MAP2K3: variants seen among roughly 807,000 people sequenced by gnomAD.
MAP2K3 encodes the protein dual specificity mitogen-activated protein kinase kinase 3.
In MAP2K3, 30 loss-of-function variants were observed where a neutral mutation model predicts 46.4. The ratio of observed to expected loss-of-function variants is 0.65; its 90% CI spans 0.48 to 0.88. The LOEUF (loss-of-function observed/expected upper bound fraction) is 0.88, where lower values mean the gene tolerates loss of function less well. Among genes scored for constraint, MAP2K3 ranks in the 40% least tolerant of loss-of-function variants. The probability of loss-of-function intolerance (pLI) is 0.00; values close to 1 mark genes in which losing one functional copy is unlikely to be tolerated. For synonymous variants in MAP2K3, 189 were observed against 176.3 expected, an observed-to-expected ratio of 1.07 and a Z score of -0.57; for missense variants, 380 against 464.5, an observed-to-expected ratio of 0.82 and a Z score of 1.67.
intron 1 of MAP2K3, among the ~76,000 whole-genome samples, chr17:21,294,361 G>A (rs1976120506): frequency 1.3e-5 from 2 of 152,312 alleles, no homozygotes; most frequent in African/African-American, 4.8e-5. Context: ...ACCTGGTGAT[G>A]CTCCTGCATG....
At chr17:21,300,155 T>TG (rs562757923) in intron 3 of MAP2K3, among the ~76,000 whole-genome samples, 225 of 152,314 alleles carry the variant, frequency 1.5e-3, no homozygotes, top group African/African-American at 5.3e-3. Flanking sequence ...TTGTTGTCAC[T>TG]GTGTCCCCAG....
rs1976552272 is a variant in MAP2K3 at position 21,300,795 on chromosome 17, G to A, written c.280-79G>A. The stretch of plus-strand genomic sequence containing the variant: ...GGGGCACACTGGGCAGTGGCCCCCT[G>A]AGCTCCTGGCCCTCCTGTCATGAGT... On this transcript the variant is annotated intron_variant, in intron 4 of 11. Coordinates refer to ENST00000342679, the MANE Select transcript of MAP2K3 (RefSeq NM_145109.3). 9 of 1,611,760 alleles carry A rather than the reference G, an allele frequency of 5.6e-6. No individual in the cohort carries two copies. The South Asian group carries it at 7.7e-5, about 14-fold the overall frequency.
intron 9 of MAP2K3, 167 bp from the exon 10 acceptor site, chr17:21,311,975 C>T (rs1213000351): frequency 3.4e-5 from 21 of 625,356 alleles, no homozygotes; most frequent in East Asian, 6.9e-5. Flanking sequence ...CTGGCATCCC[C>T]GGCTTTCTCG....
chr17:21,296,097 A>G (rs1976231354), intron 1 of MAP2K3: 1 of 1,289,506 alleles, frequency 7.8e-7, no homozygotes, highest in Non-Finnish European at 1.0e-6. Flanking sequence ...GAGGCTGGTC[A>G]TATCCATGGT....
chr17:21,304,011 C>T (rs879844074), intron 7 of MAP2K3, among the ~76,000 whole-genome samples: 3,538 of 150,388 alleles, frequency 0.024, no homozygotes, highest in Non-Finnish European at 0.039. Flanking sequence ...TCTGTGGGGA[C>T]TCCATGTCCA....
At chr17:21,311,113 G>C (rs1977138567) in intron 9 of MAP2K3, among the ~76,000 whole-genome samples, 1 of 152,164 alleles carries the variant, frequency 6.6e-6, no homozygotes. Context: ...GAGCTGGAAA[G>C]GGCCTCTAGC....
chr17:21,302,105 GC>G (rs777607958), intron 5 of MAP2K3, 37 bp from the exon 6 acceptor site: 17 of 1,608,114 alleles, frequency 1.1e-5, no homozygotes, highest in Non-Finnish European at 1.4e-5. Context: ...GACACGGGCA[GC>G]CCGGCAGCCT....
chr17:21,295,678 G>T (rs748211208), intron 1 of MAP2K3: 4 of 1,289,388 alleles, frequency 3.1e-6, no homozygotes, highest in Non-Finnish European at 3.0e-6. Flanking sequence ...CCAACAGGCC[G>T]GTGGATGCAG....
chr17:21,295,710 A>C, intron 1 of MAP2K3: 2 of 1,266,302 alleles, frequency 1.6e-6, no homozygotes, highest in Non-Finnish European at 2.0e-6. Flanking sequence ...TATACCACCC[A>C]GGCCTGCGAG....
At chr17:21,289,115 A>T (rs540487973) in intron 1 of MAP2K3, among the ~76,000 whole-genome samples, 2 of 152,352 alleles carry the variant, frequency 1.3e-5, no homozygotes, top group Admixed American at 6.5e-5. Flanking sequence ...GCGCTGTGAC[A>T]TGAGGCCTCT....
chr17:21,287,843 C>T, intron 1 of MAP2K3: 1 of 375,660 alleles, frequency 2.7e-6, no homozygotes, highest in Non-Finnish European at 5.3e-6. Flanking sequence ...CTGTAGGACT[C>T]CTGACTGCCC....
At chr17:21,308,967 C>T (rs1275143584) in intron 9 of MAP2K3, among the ~76,000 whole-genome samples, 1 of 152,300 alleles carries the variant, frequency 6.6e-6, no homozygotes, top group African/African-American at 2.4e-5. Flanking sequence ...GTGACCCAAA[C>T]CAACAGCGGT....
At chr17:21,299,107 C>T (rs1976442698) in intron 3 of MAP2K3, among the ~76,000 whole-genome samples, 181 bp downstream of exon 3, 1 of 152,288 alleles carries the variant, frequency 6.6e-6, no homozygotes, top group Non-Finnish European at 1.5e-5. Context: ...CTTTGACCCT[C>T]CTGGTGGGAA....
chr17:21,294,277 A>G (rs990426708), intron 1 of MAP2K3, among the ~76,000 whole-genome samples: 8 of 152,308 alleles, frequency 5.3e-5, no homozygotes, highest in Non-Finnish European at 8.8e-5. Context: ...GCAGTAGAAC[A>G]GGGACCTCCT....
chr17:21,313,193 T>C (rs1977245020), intron 10 of MAP2K3, among the ~76,000 whole-genome samples: 1 of 152,172 alleles, frequency 6.6e-6, no homozygotes, highest in African/African-American at 2.4e-5. Flanking sequence ...ACCAAGTGTG[T>C]GACTGTTAGG....
intron 1 of MAP2K3, among the ~76,000 whole-genome samples, chr17:21,292,155 C>A (rs1975974468): frequency 6.6e-6 from 1 of 152,310 alleles, no homozygotes; most frequent in African/African-American, 2.4e-5. Flanking sequence ...CCAGCCTGAG[C>A]AGCCTGCTGC....
At chr17:21,297,648 G>A (rs1976333255) in intron 1 of MAP2K3, among the ~76,000 whole-genome samples, 2 of 152,308 alleles carry the variant, frequency 1.3e-5, no homozygotes, top group African/African-American at 4.8e-5. Flanking sequence ...CCCCAGAAAT[G>A]CTGACCCTCC....
chr17:21,312,903 A>C (rs1299297291), intron 10 of MAP2K3, among the ~76,000 whole-genome samples: 2 of 149,544 alleles, frequency 1.3e-5, no homozygotes, highest in East Asian at 3.9e-4. Context: ...CATGGGTGAC[A>C]GAGTGAGACT....
intron 9 of MAP2K3, among the ~76,000 whole-genome samples, chr17:21,307,169 AATC>A (rs1218369438): frequency 3.3e-5 from 5 of 152,424 alleles, no homozygotes; most frequent in African/African-American, 1.2e-4. Flanking sequence ...CACCCTCTAT[AATC>A]AGCTGGGTTT....
Sources: gnomAD v4.1 joint callset for allele counts (sites outside exome capture counted in the v4.1 genomes callset) on GRCh38, gnomAD v4.1.1 for gene constraint, MANE v1.5 for transcripts, NCBI Gene and HGNC (gene_info 2026-07-23, HGNC 2026-07-21) for gene names.